The following LRP8 variants were observed in gnomAD, a reference collection of about 807,000 sequenced individuals.
LRP8 encodes the protein low-density lipoprotein receptor-related protein 8.
Under a neutral mutation model 111.6 loss-of-function variants are expected in LRP8, and 46 were observed. The ratio of observed to expected loss-of-function variants is 0.41; its 90% confidence interval spans 0.33 to 0.53. The LOEUF (loss-of-function observed/expected upper bound fraction) is 0.53. LRP8 is among the 20% of genes least tolerant of loss of function. LRP8 has a pLI of 0.20. For missense variants in LRP8, 959 were observed against 1,297.4 expected, an observed-to-expected ratio of 0.74 and a Z score of 4.01; for synonymous variants, 464 against 511.2, an observed-to-expected ratio of 0.91 and a Z score of 1.24.
intron 2 of LRP8, among the ~76,000 whole-genome samples, chr1:53,321,777 G>A (rs1029919385): frequency 2.0e-5 from 3 of 152,146 alleles, no homozygotes; most frequent in African/African-American, 4.8e-5. Context: ...TGCCATGGGG[G>A]ATGCAGGCCC....
At chr1:53,276,103 C>T (rs1435233743) in intron 5 of LRP8, among the ~76,000 whole-genome samples, 1 of 152,164 alleles carries the variant, frequency 6.6e-6, no homozygotes, top group Non-Finnish European at 1.5e-5. Flanking sequence ...ATGACTTCAT[C>T]CATTTGGCAA....
At position 53,250,737 on chromosome 1, in the gene LRP8, C is replaced by T. The variant is rs1282142944; in HGVS notation, c.2629G>A (p.Glu877Lys). 1 of 1,613,940 alleles carries T rather than the reference C, an allele frequency of 6.2e-7. No homozygotes were observed. The highest frequency in any genetic ancestry group is 8.5e-7 in the Non-Finnish European group (1 of 1,179,836). ...TGAGCAGTTCTCCCTATATGGAGCT[C>T]ATCTTCGTCTTCTTCTTCTGTTGTT... Reference protein sequence around the residue: ...RKTTEEEDEDELHIGRTAQIG... With the variant: ...RKTTEEEDEDKLHIGRTAQIG... The change falls in exon 17 of 19, where the codon GAG (glutamate) becomes AAG (lysine). Residue 877 changes from glutamate (E) to lysine (K), a missense_variant. This residue lies in a region of LRP8 where 819 missense variants were observed against 1,097.6 expected (regional missense o/e 0.75). Transcript: ENST00000306052. The surrounding 1 kb of genome is among the most constrained non-coding windows in gnomAD (Gnocchi z 4.6).
chr1:53,321,694 A>G (rs913056117), intron 2 of LRP8, among the ~76,000 whole-genome samples: 1 of 151,452 alleles, frequency 6.6e-6, no homozygotes, highest in Non-Finnish European at 1.5e-5. Flanking sequence ...ACACCGGGGA[A>G]TGCTGACCTG....
In LRP8 at chr1:53,262,419, C is replaced by T. The variant is rs1646376185; in HGVS notation, c.1774+27G>A. 12 of 1,605,338 alleles carry T rather than the reference C, an allele frequency of 7.5e-6. No homozygotes were observed. Among genetic ancestry groups the T allele is most frequent in the Non-Finnish European group, 9.4e-6 (11 of 1,173,018 alleles). ...ATCAGGACAAGGCACTAGAATAGGC[C>T]CCCAACCCAGGAAAGGCAGGGCTCA... On this transcript the variant is annotated intron_variant, in intron 11 of 18. Coordinates refer to ENST00000306052, the MANE Select transcript of LRP8 (RefSeq NM_004631.5). The surrounding 1 kb of genome is among the most constrained non-coding windows in gnomAD (Gnocchi z 4.8).
intron 14 of LRP8, 94 bp from the exon 15 acceptor site, chr1:53,257,558 C>T (rs914600428): frequency 2.0e-5 from 19 of 936,596 alleles, no homozygotes; most frequent in Non-Finnish European, 2.5e-5. Flanking sequence ...ATCTTCATGG[C>T]GTAGCTCAAA....
chr1:53,249,575 T>C lies in LRP8; in HGVS notation c.2677-19A>G. 1 of 1,571,098 alleles carries C rather than the reference T, an allele frequency of 6.4e-7. No individual in the cohort carries two copies. Among genetic ancestry groups the C allele is most frequent in the Non-Finnish European group, 8.6e-7 (1 of 1,158,406 alleles). On this transcript the variant is annotated intron_variant, in intron 17 of 18. Transcript: ENST00000306052. This position sits in a 1 kb window ranked among gnomAD's most constrained non-coding sequence, Gnocchi z 4.1. ...TGATTGCCTGACAGGGGGATGGCAC[T>C]GTGGATGACCTCTGAGGTCACACTC...
At chr1:53,278,773 T>A (rs988298337) in intron 4 of LRP8, among the ~76,000 whole-genome samples, 22 of 146,108 alleles carry the variant, frequency 1.5e-4, no homozygotes, top group Non-Finnish European at 3.0e-4. Flanking sequence ...TTTTTTTTTT[T>A]AATTTTCTTT....
Position 53,257,396 on chromosome 1 carries a change from C to A in LRP8, c.2278G>T (p.Ala760Ser). Reference protein sequence around the residue: ...MTRTVPATTRAPGTTVHRSTY... With the variant: ...MTRTVPATTRSPGTTVHRSTY... ...GATCTGTGGACGGTGGTCCCGGGGG[C>A]TCTTGTGGTGGCAGGTACTGTCCTC... Residue 760 changes from alanine (A) to serine (S), a missense_variant, in exon 15 of 19, where the codon GCC (alanine) becomes TCC (serine). Around this residue, in one of 3 missense-constraint regions of LRP8, gnomAD observed 819 missense variants for 1,097.6 expected, o/e 0.75. Transcript: ENST00000306052. The A allele has an allele frequency of 6.2e-7, 1 of 1,614,082 alleles. No individual in the cohort carries two copies. The highest frequency in any genetic ancestry group is 8.5e-7 in the Non-Finnish European group (1 of 1,180,022).
chr1:53,254,649 C>T (rs1450178411), intron 16 of LRP8, among the ~76,000 whole-genome samples: 1 of 152,124 alleles, frequency 6.6e-6, no homozygotes, highest in Non-Finnish European at 1.5e-5. Context: ...CAGAGTTTGG[C>T]ACATAGTAGC....
chr1:53,286,006 C>T (rs1647491884), intron 3 of LRP8, among the ~76,000 whole-genome samples: 1 of 152,196 alleles, frequency 6.6e-6, no homozygotes, highest in Non-Finnish European at 1.5e-5. Context: ...GGTACTTTCT[C>T]CAATTCATAA....
chr1:53,299,076 C>G (rs1650304231), intron 2 of LRP8, among the ~76,000 whole-genome samples: 2 of 152,196 alleles, frequency 1.3e-5, no homozygotes, highest in Admixed American at 6.5e-5. Flanking sequence ...ATTCAAGAAC[C>G]CACGAGGCGC....
chr1:53,291,230 G>T (rs74086835), intron 2 of LRP8, among the ~76,000 whole-genome samples: 301 of 152,218 alleles, frequency 2.0e-3, no homozygotes, highest in African/African-American at 6.8e-3. Flanking sequence ...CGGCAGGGGG[G>T]TCTCTTTTCA....
chr1:53,323,553 T>C (rs1654778839), intron 2 of LRP8, among the ~76,000 whole-genome samples: 1 of 152,260 alleles, frequency 6.6e-6, no homozygotes, highest in Non-Finnish European at 1.5e-5. Flanking sequence ...CGACTTCCCC[T>C]GGCTGGGCTT....
chr1:53,263,092 C>T (rs957611751), intron 10 of LRP8, among the ~76,000 whole-genome samples: 2 of 152,178 alleles, frequency 1.3e-5, no homozygotes, highest in Non-Finnish European at 2.9e-5. Context: ...AGTGGGTTTC[C>T]TCCTGGGACC....
At position 53,317,820 on chromosome 1, in the gene LRP8, C is replaced by T. The variant is rs569452255; in HGVS notation, c.244+9053G>A. On this transcript the variant is annotated intron_variant, in intron 2 of 18. Coordinates refer to ENST00000306052, the MANE Select transcript of LRP8 (RefSeq NM_004631.5). The surrounding 1 kb of genome is among the most constrained non-coding windows in gnomAD (Gnocchi z 4.9). The stretch of plus-strand genomic sequence containing the variant: ...ACTGCATCCGGCCCAATTGTGAGTG[C>T]AGGAAGAAGGCAGAAGGGAAAGTCA... Among the ~76,000 whole-genome samples the T allele has an allele frequency of 5.8e-4, 89 of 152,336 alleles. No homozygotes were observed. The highest frequency in any genetic ancestry group is 1.9e-3 in the African/African-American group (77 of 41,562).
chr1:53,270,669 G>C (rs899937492), intron 8 of LRP8, among the ~76,000 whole-genome samples: 5 of 152,188 alleles, frequency 3.3e-5, no homozygotes, highest in Non-Finnish European at 5.9e-5. Context: ...AGAACTCTTA[G>C]GGCTGCCGCT....
rs2100384528 is a variant in LRP8, at chr1:53,264,233, G to A, written c.1591C>T (p.Arg531Ter). 2 of 1,614,064 alleles carry A rather than the reference G, an allele frequency of 1.2e-6. No homozygotes were observed. The highest frequency in any genetic ancestry group is 1.7e-6 in the Non-Finnish European group (2 of 1,180,000). Reference sequence around the variant, plus strand: ...AGGTTACGGCTGAAGAGAGTGCGTCGGCGGCCACCATCAACTGTGGCCACT... The same window carrying A: ...AGGTTACGGCTGAAGAGAGTGCGTCAGCGGCCACCATCAACTGTGGCCACT... ...ISVATVDGGRRRTLFSRNLSE... is the reference protein window; with the variant it reads ...ISVATVDGGR The change falls in exon 10 of 19, where the codon CGA (arginine) becomes TGA (stop). Residue 531 changes from arginine to a stop codon, truncating the protein, a stop_gained. Coordinates refer to ENST00000306052, the MANE Select transcript of LRP8 (RefSeq NM_004631.5). LOFTEE classifies it high-confidence loss of function.
At position 53,279,859 on chromosome 1, in the gene LRP8, C is replaced by G. The variant is rs1159894492; in HGVS notation, c.496+728G>C. 1.3e-5 allele frequency among the ~76,000 whole-genome samples: 2 copies of G among 152,252 alleles called. No homozygotes were observed. Among genetic ancestry groups the G allele is most frequent in the Non-Finnish European group, 2.9e-5 (2 of 68,046 alleles). On this transcript the variant is annotated intron_variant, in intron 4 of 18. Transcript: ENST00000306052. This position sits in a 1 kb window ranked among gnomAD's most constrained non-coding sequence, Gnocchi z 4.4. ...TTCACCTCACTGTCCCTTTCAGAGC[C>G]TGGCTTCAGGCCTGGCACACAGTAG...
At chr1:53,255,842 C>T (rs1572434788) in intron 15 of LRP8, among the ~76,000 whole-genome samples, 1 of 152,144 alleles carries the variant, frequency 6.6e-6, no homozygotes, top group East Asian at 1.9e-4. Context: ...TATTACCTAC[C>T]TCCTAGGGAT....
Sources: gnomAD v4.1 joint callset for allele counts (sites outside exome capture counted in the v4.1 genomes callset) on GRCh38, gnomAD v4.1.1 for gene constraint, gnomAD v4.1.1 regional missense constraint, Gnocchi (gnomAD v3.1) non-coding constraint, MANE v1.5 for transcripts, NCBI Gene and HGNC (gene_info 2026-07-23, HGNC 2026-07-21) for gene names.